The following DACH2 variants were observed in gnomAD, a reference collection of about 807,000 sequenced individuals.
DACH2 encodes the protein dachshund homolog 2.
Under a neutral mutation model 35.8 loss-of-function variants are expected in DACH2, and 17 were observed. That is an observed-to-expected ratio of 0.48 (90% CI 0.33 to 0.71). DACH2 has a LOEUF of 0.71. Ranked by LOEUF, DACH2 falls within the 30% of genes least tolerant of loss-of-function variation. DACH2 has a pLI of 0.02. For missense variants in DACH2, 469 were observed against 472.7 expected (o/e 0.99, Z 0.07); for synonymous variants, 195 against 177.3 (o/e 1.10, Z -0.79).
chrX:86,737,197 A>G (rs2041605481), intron 6 of DACH2, among the ~76,000 whole-genome samples: 1 of 111,553 alleles, frequency 9.0e-6, no homozygotes, highest in Non-Finnish European at 1.9e-5. Flanking sequence ...CCAAAATGTG[A>G]ATAGAATTAT....
intron 2 of DACH2, among the ~76,000 whole-genome samples, chrX:86,414,606 A>G (rs2036670539): frequency 9.1e-6 from 1 of 110,261 alleles, no homozygotes; most frequent in African/African-American, 3.3e-5. Context: ...TATCTTTTTG[A>G]CCCTCCCAGC....
chrX:86,586,913 T>G (rs1362967207), intron 3 of DACH2, among the ~76,000 whole-genome samples: 1 of 111,725 alleles, frequency 9.0e-6, no homozygotes, highest in Non-Finnish European at 1.9e-5. Context: ...ATCTCTTCAA[T>G]TCCATATAAA....
chrX:86,435,712 C>T (rs1282257199), intron 2 of DACH2, among the ~76,000 whole-genome samples: 1 of 111,598 alleles, frequency 9.0e-6, no homozygotes, highest in Non-Finnish European at 1.9e-5. Context: ...TAGCATTGTA[C>T]GTAAATGACC....
chrX:86,408,114 T>G (rs1361645070), intron 2 of DACH2, among the ~76,000 whole-genome samples: 1 of 111,585 alleles, frequency 9.0e-6, no homozygotes, highest in Non-Finnish European at 1.9e-5. Context: ...ATGATATCGT[T>G]GTGACTGCAC....
chrX:86,336,333 C>T (rs1198541041), intron 1 of DACH2, among the ~76,000 whole-genome samples: 1 of 111,944 alleles, frequency 8.9e-6, no homozygotes, highest in Non-Finnish European at 1.9e-5. Context: ...GTACCAGCTC[C>T]TCTTTGTACC....
At chrX:86,429,409 C>T (rs994014103) in intron 2 of DACH2, among the ~76,000 whole-genome samples, 10 of 111,274 alleles carry the variant, frequency 9.0e-5, no homozygotes, top group African/African-American at 2.3e-4. Flanking sequence ...GCACTTGGGG[C>T]ATTGAAATAA....
At chrX:86,667,545 G>GA (rs1556364144) in intron 4 of DACH2, among the ~76,000 whole-genome samples, 1,657 of 29,644 alleles carry the variant, frequency 0.056, 22 homozygotes, top group African/African-American at 0.069. Context: ...AAGAAAGAAA[G>GA]AAGAAAGAAA....
intron 3 of DACH2, among the ~76,000 whole-genome samples, chrX:86,605,048 AGT>A (rs2039839148): frequency 9.0e-6 from 1 of 111,659 alleles, no homozygotes; most frequent in African/African-American, 3.2e-5. Flanking sequence ...CTGAACCTTG[AGT>A]AAGGCTCTTC....
intron 2 of DACH2, among the ~76,000 whole-genome samples, chrX:86,504,222 A>G (rs1251240700): frequency 9.0e-6 from 1 of 110,936 alleles, no homozygotes; most frequent in Non-Finnish European, 1.9e-5. Flanking sequence ...ATAGAGGTCA[A>G]GTTTCTCGGG....
chrX:86,428,099 C>T (rs1321824188), intron 2 of DACH2, among the ~76,000 whole-genome samples: 2 of 111,407 alleles, frequency 1.8e-5, no homozygotes, highest in African/African-American at 6.5e-5. Flanking sequence ...TTTATACTAA[C>T]TAAAGTAGAT....
intron 1 of DACH2, among the ~76,000 whole-genome samples, chrX:86,162,840 G>A (rs1242603811): frequency 2.7e-5 from 3 of 110,720 alleles, no homozygotes; most frequent in Non-Finnish European, 5.7e-5. Context: ...AACGTGTTGA[G>A]AATAAATTAT....
chrX:86,325,258 T>C (rs1278808092), intron 1 of DACH2, among the ~76,000 whole-genome samples: 1 of 112,019 alleles, frequency 8.9e-6, no homozygotes, highest in African/African-American at 3.3e-5. Context: ...GACTTTCATG[T>C]CAGTATACAC....
At chrX:86,454,665 G>A (rs2037441996) in intron 2 of DACH2, among the ~76,000 whole-genome samples, 1 of 111,791 alleles carries the variant, frequency 8.9e-6, no homozygotes, top group African/African-American at 3.3e-5. Flanking sequence ...CTGGCTATCA[G>A]CTCCTGTATT....
At chrX:86,254,807 T>TATATATATATATATATATAGAGAGAGAG (rs1380613474) in intron 1 of DACH2, among the ~76,000 whole-genome samples, 3 of 49,650 alleles carry the variant, frequency 6.0e-5, no homozygotes, top group East Asian at 8.3e-4. Context: ...TATATATATA[T>TATATATATATATATATATAGAGAGAGAG]AGAGAGAGAG....
At chrX:86,603,794 G>A (rs894492904) in intron 3 of DACH2, among the ~76,000 whole-genome samples, 2 of 111,033 alleles carry the variant, frequency 1.8e-5, no homozygotes, top group Admixed American at 1.9e-4. Context: ...CTTCTCTTAA[G>A]TATTCTCATT....
intron 3 of DACH2, among the ~76,000 whole-genome samples, chrX:86,519,148 G>C (rs759979589): frequency 3.6e-5 from 4 of 112,106 alleles, no homozygotes; most frequent in Non-Finnish European, 7.5e-5. Flanking sequence ...CATCTATTGA[G>C]ATAATCATGT....
At chrX:86,705,355 G>C (rs969571670) in intron 5 of DACH2, among the ~76,000 whole-genome samples, 3 of 109,843 alleles carry the variant, frequency 2.7e-5, no homozygotes, top group Non-Finnish European at 5.7e-5. Flanking sequence ...CTTCTTGGAT[G>C]ATGGGTGCAA....
At chrX:86,295,273 C>G (rs994687926) in intron 1 of DACH2, among the ~76,000 whole-genome samples, 13 of 112,190 alleles carry the variant, frequency 1.2e-4, no homozygotes, top group Admixed American at 1.9e-4. Context: ...CGCCCTGCTT[C>G]GGCTCGCGCA....
intron 1 of DACH2, among the ~76,000 whole-genome samples, chrX:86,331,871 GA>G (rs939949728): frequency 1.8e-5 from 2 of 111,182 alleles, no homozygotes; most frequent in African/African-American, 3.3e-5. Context: ...TACATGTACA[GA>G]GTGAGTATAT....
Sources: allele counts gnomAD v4.1 joint callset (sites outside exome capture counted in the v4.1 genomes callset), GRCh38; gene constraint gnomAD v4.1.1; transcripts MANE v1.5; gene names NCBI Gene and HGNC (gene_info 2026-07-23, HGNC 2026-07-21).